Variants in P2RX7 observed in about 807,000 individuals in gnomAD.
P2RX7 encodes the protein purinergic receptor P2X 7.
A neutral mutation model predicts 71.6 loss-of-function variants in P2RX7; 62 were observed. The observed-to-expected ratio is 0.87, with a 90% confidence interval of 0.71 to 1.07. P2RX7 has a LOEUF of 1.07. Ranked by LOEUF, P2RX7 falls within the 50% of genes least tolerant of loss-of-function variation. P2RX7 has a pLI of 0.00. For synonymous variants in P2RX7, 299 were observed against 283.3 expected (o/e 1.06, Z -0.56); for missense variants, 686 against 748.5 (o/e 0.92, Z 0.97).
intron 1 of P2RX7, among the ~76,000 whole-genome samples, chr12:121,146,142 A>G (rs1422670385): frequency 6.6e-6 from 1 of 151,660 alleles, no homozygotes; most frequent in Non-Finnish European, 1.5e-5. Flanking sequence ...CTACTCTTCA[A>G]ATGGCTGCAC....
chr12:121,165,999 A>G (rs1010763582), intron 6 of P2RX7, 59 bp from the exon 7 acceptor site: 3 of 1,557,906 alleles, frequency 1.9e-6, no homozygotes, highest in African/African-American at 2.7e-5. Context: ...CCTGGGAAAG[A>G]GACAGATCTG....
intron 8 of P2RX7, among the ~76,000 whole-genome samples, chr12:121,169,598 T>C (rs750678421): frequency 2.1e-4 from 32 of 152,162 alleles, no homozygotes; most frequent in Non-Finnish European, 4.7e-4. Flanking sequence ...TTTTTTGGTC[T>C]GCATGATGTT....
chr12:121,172,370 C>T (rs1882359502), intron 8 of P2RX7, among the ~76,000 whole-genome samples: 1 of 152,224 alleles, frequency 6.6e-6, no homozygotes, highest in African/African-American at 2.4e-5. Flanking sequence ...TGGCTCATGC[C>T]TATAATCCCA....
chr12:121,138,530 G>T (rs180723587), intron 1 of P2RX7, among the ~76,000 whole-genome samples: 13 of 152,242 alleles, frequency 8.5e-5, no homozygotes, highest in African/African-American at 3.1e-4. Context: ...GAAGACGAGG[G>T]AGCCGTGTGA....
intron 1 of P2RX7, among the ~76,000 whole-genome samples, 174 bp downstream of exon 1, chr12:121,133,269 G>A (rs1290007175): frequency 4.6e-5 from 7 of 152,216 alleles, no homozygotes; most frequent in African/African-American, 9.6e-5. Context: ...AGGAAACGGT[G>A]CCAGGCTGCA....
At chr12:121,143,174 G>A (rs1259280754) in intron 1 of P2RX7, among the ~76,000 whole-genome samples, 1 of 147,576 alleles carries the variant, frequency 6.8e-6, no homozygotes, top group Non-Finnish European at 1.5e-5. Context: ...GGGTTCAGGA[G>A]TTCATTCGAG....
At chr12:121,168,333 G>A (rs992881899) in intron 8 of P2RX7, among the ~76,000 whole-genome samples, 1 of 150,950 alleles carries the variant, frequency 6.6e-6, no homozygotes, top group Non-Finnish European at 1.5e-5. Flanking sequence ...GGAGTGCAGT[G>A]GCATGATCTC....
At chr12:121,162,602 T>G in intron 5 of P2RX7, 82 bp downstream of exon 5, 2 of 1,519,874 alleles carry the variant, frequency 1.3e-6, no homozygotes, top group Non-Finnish European at 1.8e-6. Context: ...GGCCTTCCCC[T>G]CTCAGCACAG....
rs770750389 is a variant in P2RX7, at chr12:121,166,149, C to T, written c.706C>T (p.Arg236Ter). The T allele has an allele frequency of 1.4e-5, 22 of 1,613,806 alleles. No homozygotes were observed. The highest frequency in any genetic ancestry group is 1.3e-4 in the Admixed American group (8 of 59,998). ...CPIFRLGDIF[R>*]ETGDNFSDVA... is the part of the protein sequence containing the mutation. ...CATTTTCCGACTAGGAGACATCTTC[C>T]GAGAAACAGGCGATAATTTTTCAGA... Residue 236 changes from arginine (R) to a stop codon, truncating the protein, a stop_gained, in exon 7 of 13, where the codon CGA (arginine) becomes TGA (stop). Transcript: ENST00000328963. LOFTEE classifies it high-confidence loss of function.
chr12:121,166,018 C>A, intron 6 of P2RX7, 40 bp from the exon 7 acceptor site: 6 of 1,581,650 alleles, frequency 3.8e-6, no homozygotes, highest in South Asian at 1.1e-5. Flanking sequence ...TGTTTTCAAT[C>A]GAGATGTTTG....
intron 1 of P2RX7, among the ~76,000 whole-genome samples, chr12:121,140,603 C>G (rs1874648900): frequency 1.3e-5 from 2 of 152,068 alleles, no homozygotes; most frequent in Non-Finnish European, 2.9e-5. Context: ...AAAGATGGCT[C>G]TAGATTCCTG....
intron 2 of P2RX7, chr12:121,155,461 G>T: frequency 8.7e-7 from 1 of 1,150,888 alleles, no homozygotes; most frequent in Non-Finnish European, 1.2e-6. Context: ...TTCTAGATTT[G>T]CAAGCAGGGA....
At chr12:121,182,847 T>G (rs1396504313) in intron 12 of P2RX7, among the ~76,000 whole-genome samples, 1 of 152,234 alleles carries the variant, frequency 6.6e-6, no homozygotes, top group East Asian at 1.9e-4. Flanking sequence ...CTTTATAAAT[T>G]TTTAAATTTT....
chr12:121,145,310 CA>C (rs1046625663), intron 1 of P2RX7, among the ~76,000 whole-genome samples: 5 of 152,114 alleles, frequency 3.3e-5, no homozygotes, highest in African/African-American at 1.2e-4. Flanking sequence ...CAGTCAGTGT[CA>C]ACTGCTGCTG....
chr12:121,168,651 T>C (rs1881605028), intron 8 of P2RX7, among the ~76,000 whole-genome samples: 1 of 152,204 alleles, frequency 6.6e-6, no homozygotes, highest in Non-Finnish European at 1.5e-5. Flanking sequence ...ATATTGTTTC[T>C]GGAAGATGAT....
intron 12 of P2RX7, among the ~76,000 whole-genome samples, chr12:121,182,900 G>A (rs920156357): frequency 1.2e-4 from 18 of 151,842 alleles, no homozygotes; most frequent in African/African-American, 3.9e-4. Flanking sequence ...CTTTCTCACC[G>A]GGAGTGGTGG....
chr12:121,157,267 C>T (rs966995256), intron 3 of P2RX7, among the ~76,000 whole-genome samples: 3 of 152,172 alleles, frequency 2.0e-5, no homozygotes, highest in Non-Finnish European at 4.4e-5. Flanking sequence ...GTTTTGCTCA[C>T]GGGCCCACTC....
intron 8 of P2RX7, among the ~76,000 whole-genome samples, chr12:121,175,055 A>G (rs1882836671): frequency 6.6e-6 from 1 of 152,014 alleles, no homozygotes; most frequent in Non-Finnish European, 1.5e-5. Flanking sequence ...CATGCCTGTA[A>G]CCCCAGAACT....
chr12:121,183,778 A>G (rs1307248243), intron 12 of P2RX7, among the ~76,000 whole-genome samples: 1 of 150,800 alleles, frequency 6.6e-6, no homozygotes, highest in Non-Finnish European at 1.5e-5. Flanking sequence ...AATCTGTAAA[A>G]TAGGCCAGGT....
Sources: allele counts gnomAD v4.1 joint callset (sites outside exome capture counted in the v4.1 genomes callset), GRCh38; gene constraint gnomAD v4.1.1; transcripts MANE v1.5; gene names NCBI Gene and HGNC (gene_info 2026-07-23, HGNC 2026-07-21).